The following GOLGA1 variants were observed in gnomAD, a reference collection of about 807,000 sequenced individuals.
GOLGA1 encodes golgin subfamily A member 1.
In GOLGA1, 63 loss-of-function variants were observed where a neutral mutation model predicts 119.7. The ratio of observed to expected loss-of-function variants is 0.53; its 90% CI spans 0.43 to 0.65. GOLGA1 has a LOEUF of 0.65. GOLGA1 is among the 30% of genes least tolerant of loss of function. The probability of loss-of-function intolerance (pLI) is 0.00; values close to 1 mark genes in which losing one functional copy is unlikely to be tolerated. For synonymous variants in GOLGA1, 318 were observed against 333.4 expected (o/e 0.95, Z 0.50); for missense variants, 798 against 912.8 (o/e 0.87, Z 1.62).
At chr9:124,908,513 C>G (rs759125387) in intron 11 of GOLGA1, 41 bp from the exon 12 acceptor site, 1 of 999,820 alleles carries the variant, frequency 1.0e-6, no homozygotes, top group South Asian at 1.3e-5. Context: ...TATCATTCCT[C>G]AGTTGAATAA....
chr9:124,906,567 T>C (rs1044047652), intron 12 of GOLGA1, among the ~76,000 whole-genome samples: 3 of 152,134 alleles, frequency 2.0e-5, no homozygotes, highest in Middle Eastern at 6.8e-3. Context: ...CTGGCCAACA[T>C]GATGAAACCC....
In GOLGA1 at chr9:124,889,479, C is replaced by T. The variant is rs200756008; in HGVS notation, c.1555G>A (p.Glu519Lys). 28 of 1,614,006 alleles carry T rather than the reference C, an allele frequency of 1.7e-5. No individual in the cohort carries two copies. In the Admixed American group the frequency reaches 2.5e-4, roughly 14 times the overall value. Residue 519 changes from glutamate to lysine, a missense_variant, in exon 17 of 23, where the codon GAA becomes AAA. Transcript: ENST00000373555. ...EKEQNLREKT[E>K]VLLQKEQEIL... is the part of the protein sequence containing the mutation. ...TCCTGCTCTTTCTGGAGAAGCACTTCGGTTTTTTCCCGCAGATTCTGTTCC... is the reference window on the plus strand; with the variant it reads ...TCCTGCTCTTTCTGGAGAAGCACTTTGGTTTTTTCCCGCAGATTCTGTTCC...
At chr9:124,911,732 G>A (rs1830344753) in intron 11 of GOLGA1, among the ~76,000 whole-genome samples, 169 bp downstream of exon 11, 1 of 152,170 alleles carries the variant, frequency 6.6e-6, no homozygotes, top group South Asian at 2.1e-4. Flanking sequence ...CACCCACAGG[G>A]GACATAAGGC....
At chr9:124,890,895 C>T (rs1022106205) in intron 15 of GOLGA1, among the ~76,000 whole-genome samples, 3 of 152,032 alleles carry the variant, frequency 2.0e-5, no homozygotes, top group Non-Finnish European at 4.4e-5. Context: ...TGGCTCACAC[C>T]AATAATCCCA....
intron 22 of GOLGA1, 109 bp from the exon 23 acceptor site, chr9:124,880,719 T>C (rs1588050776): frequency 2.8e-6 from 2 of 717,780 alleles, no homozygotes; most frequent in Non-Finnish European, 2.5e-6. Context: ...CCCCCACACA[T>C]CCTGCCTCTG....
intron 15 of GOLGA1, among the ~76,000 whole-genome samples, chr9:124,893,536 G>C (rs1829902948): frequency 6.6e-6 from 1 of 152,070 alleles, no homozygotes. Context: ...TAGCTAATGG[G>C]CTTTTCCTGG....
intron 16 of GOLGA1, 76 bp from the exon 17 acceptor site, chr9:124,889,612 G>A (rs1016574624): frequency 1.2e-5 from 11 of 954,828 alleles, no homozygotes; most frequent in Admixed American, 3.4e-5. Context: ...CCACTTCCCC[G>A]CTCTCCAGGG....
At chr9:124,891,317 C>T (rs984051604) in intron 15 of GOLGA1, among the ~76,000 whole-genome samples, 2 of 152,194 alleles carry the variant, frequency 1.3e-5, no homozygotes, top group East Asian at 3.9e-4. Context: ...GCTGCCTCTG[C>T]GATGATTCTC....
At position 124,921,713 on chromosome 9, in the gene GOLGA1, A is replaced by C; in HGVS notation, c.731+10T>G. ...CCTCTTCCCAAGGGCCCCACAGACC[A>C]AGCAAGAACCTCTGCTCTTCCAGCG... is the stretch of plus-strand genomic sequence containing the variant. On this transcript the variant is annotated intron_variant, in intron 9 of 22. Coordinates refer to ENST00000373555, the MANE Select transcript of GOLGA1 (RefSeq NM_002077.4). 6.2e-7 allele frequency: 1 copy of C among 1,608,860 alleles called. No individual in the cohort carries two copies. The highest frequency in any genetic ancestry group is 8.5e-7 in the Non-Finnish European group (1 of 1,176,772).
At position 124,889,433 on chromosome 9, in the gene GOLGA1, CCTCGCTCCAG is replaced by C. The variant is rs1310594837; in HGVS notation, c.1591_1600del (p.Leu531ValfsTer19). On this transcript the variant is annotated frameshift_variant and splice_region_variant, in exon 17 of 23. Coordinates refer to ENST00000373555, the MANE Select transcript of GOLGA1 (RefSeq NM_002077.4). LOFTEE classifies it high-confidence loss of function. The stretch of plus-strand genomic sequence containing the variant: ...GGCTCAGCCAGGGACCGACTCCTCA[CCTCGCTCCAG>C]CTGGAGAATCTCCTGCTCTTTCTGG... 1 of 1,608,676 alleles carries C rather than the reference CCTCGCTCCAG, an allele frequency of 6.2e-7. No homozygotes were observed. Among genetic ancestry groups the C allele is most frequent in the Non-Finnish European group, 8.5e-7 (1 of 1,174,974 alleles).
intron 12 of GOLGA1, among the ~76,000 whole-genome samples, chr9:124,906,966 A>C (rs1472357301): frequency 1.3e-5 from 2 of 152,178 alleles, no homozygotes; most frequent in African/African-American, 4.8e-5. Context: ...TAGCCTATAC[A>C]TTTAATGCAA....
rs776782724 is a variant in GOLGA1 at position 124,938,609 on chromosome 9, C to T, written c.103G>A (p.Ala35Thr). 2 of 1,613,148 alleles carry T rather than the reference C, an allele frequency of 1.2e-6. No homozygotes were observed. ...IPRSVSKESV[A>T]SMGADSGDDF... is the part of the protein sequence containing the mutation. ...TCTCCTGAGTCAGCTCCCATTGAGGCAACTGATTCCTTGCTCACAGACCGT... is the reference window on the plus strand; with the variant it reads ...TCTCCTGAGTCAGCTCCCATTGAGGTAACTGATTCCTTGCTCACAGACCGT... Residue 35 changes from alanine to threonine, a missense_variant, in exon 3 of 23, where the codon GCC (alanine) becomes ACC (threonine). By Grantham distance (58) the Ala-to-Thr change is moderately conservative. Coordinates refer to ENST00000373555, the MANE Select transcript of GOLGA1 (RefSeq NM_002077.4).
Position 124,899,478 on chromosome 9 carries a change from C to A in GOLGA1, c.1162G>T (p.Ala388Ser). Residue 388 changes from alanine (A) to serine (S), a missense_variant and splice_region_variant, in exon 14 of 23, where the codon GCT becomes TCT. Transcript: ENST00000373555. ...AAQETQIQEL[A>S]AANQESSHVQ... ...TGGCTGCTCTCCTGGTTGGCGGCAGCCTGCGGGGAGACCAAAGGACGGTCA... is the reference window on the plus strand; with the variant it reads ...TGGCTGCTCTCCTGGTTGGCGGCAGACTGCGGGGAGACCAAAGGACGGTCA... 1 of 1,544,636 alleles carries A rather than the reference C, an allele frequency of 6.5e-7. No homozygotes were observed. The highest frequency in any genetic ancestry group is 8.7e-7 in the Non-Finnish European group (1 of 1,149,038).
intron 3 of GOLGA1, 142 bp from the exon 4 acceptor site, chr9:124,931,548 C>A: frequency 1.7e-6 from 1 of 594,630 alleles, no homozygotes; most frequent in South Asian, 1.9e-5. Context: ...AGTTTCTCTA[C>A]CTGGAAAGTG....
chr9:124,882,085 C>A (rs1829600196), intron 20 of GOLGA1, 131 bp from the exon 21 acceptor site: 2 of 649,598 alleles, frequency 3.1e-6, no homozygotes, highest in Non-Finnish European at 5.3e-6. Flanking sequence ...GGGAAGGAAG[C>A]ACCTCCAGGT....
intron 15 of GOLGA1, among the ~76,000 whole-genome samples, chr9:124,893,226 T>A (rs960184380): frequency 1.7e-4 from 26 of 152,168 alleles, no homozygotes; most frequent in African/African-American, 4.3e-4. Context: ...CTTCCTCCTG[T>A]CCTTTTGTAA....
intron 15 of GOLGA1, among the ~76,000 whole-genome samples, chr9:124,893,773 T>C (rs759536151): frequency 3.3e-5 from 5 of 152,174 alleles, no homozygotes; most frequent in Non-Finnish European, 5.9e-5. Context: ...ACTTCCAGCC[T>C]CTTCAGGATC....
chr9:124,923,848 T>C (rs1375006962), intron 7 of GOLGA1, among the ~76,000 whole-genome samples: 2 of 152,130 alleles, frequency 1.3e-5, no homozygotes, highest in Non-Finnish European at 2.9e-5. Context: ...ATGTGTCTAC[T>C]CTTTCGTCGT....
Position 124,938,789 on chromosome 9 carries a change from C to T in GOLGA1, c.-78G>A, listed in dbSNP as rs956766468. ...CCTGTGTTCAGGATTCAGACAGAGG[C>T]GCCTACAAAGTTTCAGACATCCAAG... On this transcript the variant is annotated 5_prime_UTR_variant, in exon 3 of 23. Coordinates refer to ENST00000373555, the MANE Select transcript of GOLGA1 (RefSeq NM_002077.4). 5 of 1,313,972 alleles carry T rather than the reference C, an allele frequency of 3.8e-6. No individual in the cohort carries two copies. The highest frequency in any genetic ancestry group is 5.2e-6 in the Non-Finnish European group (5 of 961,860). The allele number at this position is 1,313,972 out of a possible 1,614,324, so 81.4% of individuals were successfully genotyped here. A position where few individuals can be genotyped will look rare whatever the true frequency, so the allele number is the denominator to read the frequency against.
Sources: allele counts gnomAD v4.1 joint callset (sites outside exome capture counted in the v4.1 genomes callset), GRCh38; gene constraint gnomAD v4.1.1; transcripts MANE v1.5; gene names NCBI Gene and HGNC (gene_info 2026-07-23, HGNC 2026-07-21).